Variants in SYT1 observed in about 807,000 individuals in gnomAD.
The protein encoded by SYT1 is synaptotagmin-1.
A neutral mutation model predicts 44.8 loss-of-function variants in SYT1; 8 were observed. The ratio of observed to expected loss-of-function variants is 0.18; its 90% confidence interval spans 0.10 to 0.32. The LOEUF is 0.32. Among genes scored for constraint, SYT1 ranks in the 10% least tolerant of loss-of-function variants. The probability of loss-of-function intolerance (pLI) is 1.00; values close to 1 mark genes in which losing one functional copy is unlikely to be tolerated. For synonymous variants in SYT1, 154 were observed against 188.8 expected (o/e 0.82, Z 1.51); for missense variants, 286 against 509.3 (o/e 0.56, Z 4.22).
intron 3 of SYT1, among the ~76,000 whole-genome samples, chr12:79,212,964 A>G (rs1182611824): frequency 6.6e-6 from 1 of 152,216 alleles, no homozygotes; most frequent in Non-Finnish European, 1.5e-5. Context: ...TATCAACAAC[A>G]GTATTTTGGC....
chr12:78,887,722 A>C (rs190549440), intron 1 of SYT1, among the ~76,000 whole-genome samples: 94 of 152,080 alleles, frequency 6.2e-4, no homozygotes, highest in African/African-American at 2.2e-3. Flanking sequence ...TCATCTTTAT[A>C]TCCAAAATTA....
chr12:79,390,214 T>C (rs1884602909), intron 9 of SYT1, among the ~76,000 whole-genome samples: 1 of 152,170 alleles, frequency 6.6e-6, no homozygotes, highest in Non-Finnish European at 1.5e-5. Context: ...ATTACAGGCG[T>C]GAACCACCGC....
intron 1 of SYT1, among the ~76,000 whole-genome samples, chr12:78,975,707 A>G (rs1868780050): frequency 6.6e-6 from 1 of 152,218 alleles, no homozygotes; most frequent in South Asian, 2.1e-4. Context: ...TTTGGCTTCT[A>G]GAATGGGTAT....
intron 3 of SYT1, among the ~76,000 whole-genome samples, chr12:79,202,237 T>G (rs997101770): frequency 6.6e-6 from 1 of 152,174 alleles, no homozygotes; most frequent in African/African-American, 2.4e-5. Flanking sequence ...AGTCCAGGCA[T>G]TGGCCAAAAT....
chr12:79,052,355 T>G (rs11112518), intron 3 of SYT1, among the ~76,000 whole-genome samples: 5,718 of 152,096 alleles, frequency 0.038, 406 homozygotes, highest in African/African-American at 0.13. Context: ...AAAAATTAAT[T>G]CAAGATGGAT....
At chr12:79,429,004 T>C (rs1358227591) in intron 9 of SYT1, among the ~76,000 whole-genome samples, 2 of 151,964 alleles carry the variant, frequency 1.3e-5, no homozygotes, top group East Asian at 3.9e-4. Context: ...TTTTTAAAAC[T>C]CAAATTTCTT....
chr12:79,309,867 G>GC (rs1452337495), intron 8 of SYT1, among the ~76,000 whole-genome samples: 1 of 152,012 alleles, frequency 6.6e-6, no homozygotes, highest in East Asian at 1.9e-4. Flanking sequence ...GGGGTTGTTT[G>GC]TTTTTTTCTT....
At chr12:79,222,627 CCCA>C (rs1875243314) in intron 4 of SYT1, among the ~76,000 whole-genome samples, 1 of 152,178 alleles carries the variant, frequency 6.6e-6, no homozygotes, top group Non-Finnish European at 1.5e-5. Context: ...GGGTGATCCA[CCCA>C]CCTTGGCATC....
In SYT1 at chr12:79,348,950, GA is replaced by G. The variant is rs144699891; in HGVS notation, c.811-4545del. Among the ~76,000 whole-genome samples, 212 of 136,604 alleles carry G rather than the reference GA, an allele frequency of 1.6e-3. 1 individual carries two copies. The East Asian group carries it at 0.021, about 13-fold the overall frequency. 89.6% of individuals were successfully genotyped at this position (136,604 alleles called of 152,430 possible). On this transcript the variant is annotated intron_variant, in intron 8 of 10. Coordinates refer to ENST00000261205, the MANE Select transcript of SYT1 (RefSeq NM_005639.3). ...AAGAAAGAAAGGAAAGAAAAAGAAA[GA>G]AAAAAAGAAAAGAAAGAAAAAGAAA...
intron 1 of SYT1, among the ~76,000 whole-genome samples, chr12:78,920,922 A>G (rs914308440): frequency 6.6e-6 from 1 of 151,778 alleles, no homozygotes. Context: ...ACTAAGATCC[A>G]GTCCTCAGCA....
At chr12:79,032,848 A>T (rs939112824) in intron 2 of SYT1, among the ~76,000 whole-genome samples, 1 of 151,336 alleles carries the variant, frequency 6.6e-6, no homozygotes, top group Non-Finnish European at 1.5e-5. Context: ...AAGGGATTCT[A>T]TGGCAAATAC....
intron 1 of SYT1, among the ~76,000 whole-genome samples, chr12:78,973,937 AAATATATATATATATATATAT>A (rs1375428252): frequency 5.6e-4 from 13 of 23,252 alleles, no homozygotes; most frequent in Admixed American, 1.3e-3. Flanking sequence ...AAAAAAAAAA[AAATATATATATATATATATAT>A]ATATATATAT....
intron 6 of SYT1, among the ~76,000 whole-genome samples, chr12:79,293,530 C>G (rs956044734): frequency 2.0e-5 from 3 of 152,000 alleles, no homozygotes; most frequent in Admixed American, 6.6e-5. Flanking sequence ...AATACAGTTA[C>G]TAGTAATGCA....
At chr12:78,866,955 AC>A (rs1355136475) in intron 1 of SYT1, among the ~76,000 whole-genome samples, 2 of 152,084 alleles carry the variant, frequency 1.3e-5, no homozygotes, top group Non-Finnish European at 2.9e-5. Flanking sequence ...TGTAATGTGT[AC>A]TATTTTCCAA....
intron 8 of SYT1, among the ~76,000 whole-genome samples, chr12:79,330,714 G>A (rs534349139): frequency 1.3e-5 from 2 of 152,310 alleles, no homozygotes; most frequent in African/African-American, 4.8e-5. Flanking sequence ...GCCAGGTGCT[G>A]TTGTATGCAC....
rs888707544 is a variant in SYT1 at position 79,350,248 on chromosome 12, T to C, written c.811-3254T>C. Among the ~76,000 whole-genome samples the C allele has an allele frequency of 3.5e-4, 45 of 129,182 alleles. No individual in the cohort carries two copies. In the East Asian group the frequency reaches 7.7e-3, roughly 22 times the overall value. The allele number at this position is 129,182 out of a possible 152,430, so 84.7% of individuals were successfully genotyped here. On this transcript the variant is annotated intron_variant, in intron 8 of 10. Transcript: ENST00000261205. ...AGGGCCTCCCCAGGATGCATATTCT[T>C]TTTTTTTTTTTTTTTTTTTTTTGAG...
intron 3 of SYT1, among the ~76,000 whole-genome samples, chr12:79,213,356 A>T (rs1034022263): frequency 2.0e-5 from 3 of 152,188 alleles, no homozygotes; most frequent in Non-Finnish European, 2.9e-5. Context: ...GTCTTTTGAT[A>T]CTATAGTGGC....
chr12:79,072,060 C>G (rs1448347060), intron 3 of SYT1, among the ~76,000 whole-genome samples: 1 of 152,178 alleles, frequency 6.6e-6, no homozygotes, highest in East Asian at 1.9e-4. Context: ...TTACAGTTTA[C>G]AGTTCTATAT....
intron 3 of SYT1, among the ~76,000 whole-genome samples, chr12:79,103,903 G>A (rs1406298550): frequency 2.6e-5 from 4 of 151,952 alleles, no homozygotes; most frequent in Admixed American, 2.6e-4. Flanking sequence ...CCTTACCCTT[G>A]GGTCTGTAAA....
Sources: allele counts gnomAD v4.1 joint callset (sites outside exome capture counted in the v4.1 genomes callset), GRCh38; gene constraint gnomAD v4.1.1; transcripts MANE v1.5; gene names NCBI Gene and HGNC (gene_info 2026-07-23, HGNC 2026-07-21).